ARID2: variants seen among roughly 807,000 people sequenced by gnomAD.
The protein encoded by ARID2 is AT-rich interaction domain 2.
ARID2 carries 32 observed loss-of-function variants against 184.6 expected under a neutral mutation model. The ratio of observed to expected loss-of-function variants is 0.17; its 90% CI spans 0.13 to 0.23. ARID2 has a LOEUF of 0.23. Ranked by LOEUF, ARID2 falls within the 10% of genes least tolerant of loss-of-function variation. The pLI is 1.00. For synonymous variants in ARID2, 836 were observed against 772.6 expected, an observed-to-expected ratio of 1.08 and a Z score of -1.36; for missense variants, 1,696 against 2,197.6, an observed-to-expected ratio of 0.77 and a Z score of 4.56.
At chr12:45,839,267 C>T (rs1036978137) in intron 10 of ARID2, 62 bp from the exon 11 acceptor site, 1 of 1,427,200 alleles carries the variant, frequency 7.0e-7, no homozygotes, top group African/African-American at 1.4e-5. Context: ...CATGTGTTCA[C>T]CAGTGATGGC....
At chr12:45,888,310 G>A (rs1324110829) in intron 16 of ARID2, among the ~76,000 whole-genome samples, 2 of 152,116 alleles carry the variant, frequency 1.3e-5, no homozygotes, top group Non-Finnish European at 2.9e-5. Context: ...AAGTACAGAG[G>A]AAGACAAGCT....
At chr12:45,773,093 CAG>C (rs1941908674) in intron 3 of ARID2, among the ~76,000 whole-genome samples, 1 of 151,878 alleles carries the variant, frequency 6.6e-6, no homozygotes, top group African/African-American at 2.4e-5. Flanking sequence ...GAGCAACCAA[CAG>C]AAAGAAATTT....
chr12:45,805,563 C>T (rs1942584536), intron 3 of ARID2, among the ~76,000 whole-genome samples: 2 of 151,908 alleles, frequency 1.3e-5, no homozygotes, highest in South Asian at 4.1e-4. Flanking sequence ...CTTTCTGTAC[C>T]TATTATTAGT....
chr12:45,748,203 C>T (rs1941394747), intron 3 of ARID2, among the ~76,000 whole-genome samples: 2 of 151,944 alleles, frequency 1.3e-5, no homozygotes, highest in African/African-American at 2.4e-5. Context: ...GAGTTTGAGA[C>T]GTAGTGAGAC....
intron 3 of ARID2, among the ~76,000 whole-genome samples, chr12:45,795,855 C>CT (rs1228703257): frequency 6.6e-6 from 1 of 152,074 alleles, no homozygotes; most frequent in Non-Finnish European, 1.5e-5. Context: ...CCTCCATCCT[C>CT]TTTTTTCCAA....
Position 45,751,629 on chromosome 12 carries a change from C to T in ARID2, c.284+20315C>T, listed in dbSNP as rs146781160. 3.6e-4 allele frequency among the ~76,000 whole-genome samples: 55 copies of T among 152,290 alleles called. No homozygotes were observed. The East Asian group carries it at 9.3e-3, about 26-fold the overall frequency. On this transcript the variant is annotated intron_variant, in intron 3 of 20. Transcript: ENST00000334344. ...GAAATGGGTTGTAAGGTGATTTCTT[C>T]ATTGTTTGAACAACGTAGAGTGTAC...
chr12:45,811,208 C>CAA (rs770817250), intron 3 of ARID2, among the ~76,000 whole-genome samples: 1 of 75,514 alleles, frequency 1.3e-5, no homozygotes, highest in Non-Finnish European at 2.8e-5. Flanking sequence ...GACTCTGTCT[C>CAA]AAAAAAAAAA....
At chr12:45,837,017 T>C in intron 8 of ARID2, 26 bp downstream of exon 8, 3 of 1,591,102 alleles carry the variant, frequency 1.9e-6, no homozygotes, top group Non-Finnish European at 2.6e-6. Context: ...TACCTTAAAC[T>C]AGTTTTTATA....
intron 16 of ARID2, among the ~76,000 whole-genome samples, chr12:45,887,145 G>T (rs572264981): frequency 6.6e-6 from 1 of 152,128 alleles, no homozygotes; most frequent in Non-Finnish European, 1.5e-5. Context: ...GGCTGAAGGG[G>T]AATTAAATGA....
intron 6 of ARID2, among the ~76,000 whole-genome samples, chr12:45,831,972 A>G (rs913056923): frequency 1.3e-5 from 2 of 151,986 alleles, no homozygotes; most frequent in African/African-American, 4.8e-5. Context: ...CTGTGTTTTT[A>G]TACATAGCGT....
At chr12:45,847,152 A>G (rs573338775) in intron 12 of ARID2, among the ~76,000 whole-genome samples, 1 of 152,260 alleles carries the variant, frequency 6.6e-6, no homozygotes, top group South Asian at 2.1e-4. Flanking sequence ...CAGAATTAAA[A>G]TAGTATGACT....
intron 3 of ARID2, among the ~76,000 whole-genome samples, chr12:45,755,259 A>G (rs2138000729): frequency 6.6e-6 from 1 of 152,286 alleles, no homozygotes; most frequent in Non-Finnish European, 1.5e-5. Context: ...TTTTAGCAGA[A>G]CACTGTTTTG....
chr12:45,776,288 G>A (rs1256440069), intron 3 of ARID2: 2 of 152,474 alleles, frequency 1.3e-5, no homozygotes, highest in Non-Finnish European at 2.9e-5. Context: ...CTGCTCTACA[G>A]AGAGTGACTT....
At chr12:45,795,347 G>A (rs2138059801) in intron 3 of ARID2, among the ~76,000 whole-genome samples, 1 of 152,080 alleles carries the variant, frequency 6.6e-6, no homozygotes, top group South Asian at 2.1e-4. Flanking sequence ...GGAGCCTCTG[G>A]ATATTTTATG....
At chr12:45,734,719 A>T (rs1941076095) in intron 3 of ARID2, among the ~76,000 whole-genome samples, 1 of 152,162 alleles carries the variant, frequency 6.6e-6, no homozygotes, top group South Asian at 2.1e-4. Context: ...TTCCATATTT[A>T]CTTGGTGGAT....
At chr12:45,753,176 T>G (rs1034983625) in intron 3 of ARID2, among the ~76,000 whole-genome samples, 1 of 151,966 alleles carries the variant, frequency 6.6e-6, no homozygotes, top group African/African-American at 2.4e-5. Context: ...GGCAGGAGAA[T>G]CATTTGAACC....
At chr12:45,771,467 G>T (rs1381720519) in intron 3 of ARID2, among the ~76,000 whole-genome samples, 1 of 150,124 alleles carries the variant, frequency 6.7e-6, no homozygotes, top group Admixed American at 6.7e-5. Flanking sequence ...GAGTTTGAGA[G>T]CAGCCTGGGC....
chr12:45,758,682 ATCC>A (rs1373243101), intron 3 of ARID2, among the ~76,000 whole-genome samples: 3 of 152,116 alleles, frequency 2.0e-5, no homozygotes, highest in Admixed American at 6.5e-5. Flanking sequence ...ATTCTTTCCT[ATCC>A]TCCTCCTTAA....
chr12:45,748,270 G>A (rs1941395988), intron 3 of ARID2, among the ~76,000 whole-genome samples: 2 of 152,028 alleles, frequency 1.3e-5, no homozygotes, highest in Non-Finnish European at 2.9e-5. Flanking sequence ...GCATATCTGT[G>A]GTCCCAGATA....
Sources: gnomAD v4.1 joint callset for allele counts (sites outside exome capture counted in the v4.1 genomes callset) on GRCh38, gnomAD v4.1.1 for gene constraint, MANE v1.5 for transcripts, NCBI Gene and HGNC (gene_info 2026-07-23, HGNC 2026-07-21) for gene names.